Variants in PROX1 observed in about 807,000 individuals in gnomAD.
PROX1 encodes the protein prospero homeobox 1.
In PROX1, 7 loss-of-function variants were observed where a neutral mutation model predicts 58.8. The observed-to-expected ratio is 0.12, with a 90% CI of 0.07 to 0.22. PROX1 has a LOEUF of 0.22. PROX1 is among the 10% of genes least tolerant of loss of function. The pLI, the probability that PROX1 is intolerant of heterozygous loss-of-function variation, is 1.00. For missense variants in PROX1, 675 were observed against 927.8 expected, an observed-to-expected ratio of 0.73 and a Z score of 3.54; for synonymous variants, 350 against 358.3, an observed-to-expected ratio of 0.98 and a Z score of 0.26.
At chr1:213,999,967 C>A (rs1168671375) in intron 2 of PROX1, among the ~76,000 whole-genome samples, 1 of 152,082 alleles carries the variant, frequency 6.6e-6, no homozygotes. Context: ...GACCCCATTG[C>A]ACCCCAGAGA....
intron 4 of PROX1, among the ~76,000 whole-genome samples, chr1:214,018,178 C>G (rs148458922): frequency 2.0e-4 from 30 of 152,290 alleles, no homozygotes; most frequent in African/African-American, 7.2e-4. Context: ...CATTATAGAT[C>G]AAATTTCTTC....
At chr1:214,027,761 A>G (rs1453509865) in intron 4 of PROX1, among the ~76,000 whole-genome samples, 2 of 152,122 alleles carry the variant, frequency 1.3e-5, no homozygotes, top group East Asian at 1.9e-4. Flanking sequence ...ATCTTGCAAT[A>G]TGGCTTTAGC....
chr1:214,014,443 C>G lies in PROX1; in HGVS notation c.2028+2728C>G, dbSNP rs61479552. On this transcript the variant is annotated intron_variant, in intron 4 of 4. Transcript: ENST00000366958. Reference sequence around the variant, plus strand: ...CAGTCGATTCCAAGGAATCGTGTCACCCAGCTTAGTAGGAGCTGGTCAAAC... The same window carrying G: ...CAGTCGATTCCAAGGAATCGTGTCAGCCAGCTTAGTAGGAGCTGGTCAAAC... Among the ~76,000 whole-genome samples the G allele has an allele frequency of 3.4e-3, 515 of 152,304 alleles. 4 individuals are homozygous for G. The highest frequency in any genetic ancestry group is 0.012 in the African/African-American group (479 of 41,572).
rs1664983726 is a variant in PROX1 at position 214,040,748 on chromosome 1, T to G, written c.*4914T>G. 6.6e-6 allele frequency: 1 copy of G among 152,144 alleles called. No individual in the cohort carries two copies. The highest frequency in any genetic ancestry group is 6.5e-5 in the Admixed American group (1 of 15,276). 9.4% of individuals were successfully genotyped at this position (152,144 alleles called of 1,614,324 possible). A position where few individuals can be genotyped will look rare whatever the true frequency, so the allele number is the denominator to read the frequency against. ...CAATAACTGAACTGATAAAGTCAAT[T>G]TTTGATTTTTGTTTGTTTTTTTTAG... On this transcript the variant is annotated 3_prime_UTR_variant, in exon 5 of 5. Coordinates refer to ENST00000366958, the MANE Select transcript of PROX1 (RefSeq NM_001270616.2).
chr1:213,987,681 C>T (rs1294215949), upstream of PROX1: 1 of 134,900 alleles, frequency 7.4e-6, no homozygotes, highest in Non-Finnish European at 1.6e-5. Flanking sequence ...CGCGGCGATC[C>T]AGTCGTCCCG....
chr1:213,990,630 CAGAGAGAG>C (rs71165943), intron 1 of PROX1, among the ~76,000 whole-genome samples: 5 of 139,694 alleles, frequency 3.6e-5, no homozygotes, highest in Admixed American at 1.4e-4. Flanking sequence ...CTGTGCTTGG[CAGAGAGAG>C]AGAGAGAGAG....
intron 2 of PROX1, among the ~76,000 whole-genome samples, chr1:214,003,253 C>T (rs1663587474): frequency 6.6e-6 from 1 of 152,200 alleles, no homozygotes; most frequent in Non-Finnish European, 1.5e-5. Context: ...TTGTGACTTC[C>T]AATTAAATGC....
chr1:213,998,284 G>T, intron 2 of PROX1, 24 bp downstream of exon 2: 1 of 1,511,774 alleles, frequency 6.6e-7, no homozygotes, highest in Non-Finnish European at 8.9e-7. Flanking sequence ...TTCCCCTCGA[G>T]GAAAAAACAA....
chr1:214,019,335 G>A (rs969059505), intron 4 of PROX1, among the ~76,000 whole-genome samples: 20 of 152,092 alleles, frequency 1.3e-4, no homozygotes, highest in African/African-American at 4.8e-4. Flanking sequence ...CACCTGTGTG[G>A]CTAGGCACGG....
At chr1:214,000,067 GAC>G (rs1007724389) in intron 2 of PROX1, among the ~76,000 whole-genome samples, 2 of 138,520 alleles carry the variant, frequency 1.4e-5, no homozygotes, top group Non-Finnish European at 1.6e-5. Context: ...CACACACACA[GAC>G]ACACACACAC....
At chr1:213,987,673 C>G (rs1662859865), upstream of PROX1, 1 of 127,840 alleles carries the variant, frequency 7.8e-6, no homozygotes, top group African/African-American at 2.9e-5. Flanking sequence ...GGCCCAGGCG[C>G]GGCGATCCAG....
At chr1:214,013,059 T>C (rs959698675) in intron 4 of PROX1, among the ~76,000 whole-genome samples, 18 of 152,154 alleles carry the variant, frequency 1.2e-4, no homozygotes, top group African/African-American at 4.1e-4. Flanking sequence ...TGAGTAGTTA[T>C]AGTGTAAGCT....
At chr1:214,029,821 G>A (rs976570813) in intron 4 of PROX1, 1 of 152,100 alleles carries the variant, frequency 6.6e-6, no homozygotes, top group Admixed American at 6.6e-5. Context: ...GGTGGCTGGG[G>A]AGTTATTTAT....
At chr1:213,983,530 C>T (rs576022455), upstream of PROX1, among the ~76,000 whole-genome samples, 1 of 152,338 alleles carries the variant, frequency 6.6e-6, no homozygotes, top group African/African-American at 2.4e-5. Context: ...CCCCTTCACA[C>T]TCACACCCTC....
At chr1:214,015,242 G>C (rs1216272984) in intron 4 of PROX1, among the ~76,000 whole-genome samples, 1 of 152,116 alleles carries the variant, frequency 6.6e-6, no homozygotes, top group African/African-American at 2.4e-5. Flanking sequence ...CACCGGGTGG[G>C]GTGTCTTGCT....
intron 3 of PROX1, 55 bp downstream of exon 3, chr1:214,005,327 T>C: frequency 2.2e-6 from 3 of 1,375,792 alleles, no homozygotes; most frequent in Non-Finnish European, 2.1e-6. Context: ...TGGCAGTAAT[T>C]TGAACTCCCG....
At chr1:214,029,885 A>G (rs1247567354) in intron 4 of PROX1, 2 of 152,570 alleles carry the variant, frequency 1.3e-5, no homozygotes, top group African/African-American at 4.8e-5. Flanking sequence ...ATTCATGCAG[A>G]ATAGTCTGAG....
At chr1:214,021,897 C>T (rs934944779) in intron 4 of PROX1, among the ~76,000 whole-genome samples, 1 of 152,178 alleles carries the variant, frequency 6.6e-6, no homozygotes, top group African/African-American at 2.4e-5. Context: ...GTAGATCAAG[C>T]ACTGGGGTAT....
At chr1:214,008,043 G>A (rs1390830258) in intron 3 of PROX1, among the ~76,000 whole-genome samples, 1 of 138,794 alleles carries the variant, frequency 7.2e-6, no homozygotes, top group African/African-American at 2.7e-5. Context: ...AAATAATAAA[G>A]TTATTTTATT....
Sources: allele counts gnomAD v4.1 joint callset (sites outside exome capture counted in the v4.1 genomes callset), GRCh38; gene constraint gnomAD v4.1.1; transcripts MANE v1.5; gene names NCBI Gene and HGNC (gene_info 2026-07-23, HGNC 2026-07-21).